The following TAB2 variants were observed in gnomAD, a reference collection of about 807,000 sequenced individuals.
TAB2 encodes the protein TGF-beta activated kinase 1 (MAP3K7) binding protein 2, also known as TGF-beta-activated kinase 1 and MAP3K7-binding protein 2.
Under a neutral mutation model 65.0 loss-of-function variants are expected in TAB2, and 3 were observed. The observed-to-expected ratio is 0.05, with a 90% CI of 0.02 to 0.12. The LOEUF (loss-of-function observed/expected upper bound fraction) is 0.12. Ranked by LOEUF, TAB2 falls within the 10% of genes least tolerant of loss-of-function variation. The pLI is 1.00. For synonymous variants in TAB2, 298 were observed against 285.1 expected (o/e 1.05, Z -0.46); for missense variants, 623 against 840.3 (o/e 0.74, Z 3.20).
chr6:149,349,034 A>C (rs1438291665), intron 1 of TAB2, among the ~76,000 whole-genome samples: 1 of 152,120 alleles, frequency 6.6e-6, no homozygotes, highest in East Asian at 1.9e-4. Context: ...AAATATGTAA[A>C]TACTACAATG....
chr6:149,240,777 A>G (rs1777582684), intron 1 of TAB2, among the ~76,000 whole-genome samples: 1 of 152,226 alleles, frequency 6.6e-6, no homozygotes, highest in South Asian at 2.1e-4. Flanking sequence ...ATTTTAAAGT[A>G]CAATAAAATC....
chr6:149,367,603 C>T (rs1387658945), intron 1 of TAB2, among the ~76,000 whole-genome samples: 3 of 151,772 alleles, frequency 2.0e-5, no homozygotes, highest in African/African-American at 7.3e-5. Flanking sequence ...ATACTGGGGA[C>T]GGGAAGAAGT....
intron 1 of TAB2, among the ~76,000 whole-genome samples, chr6:149,274,719 G>A (rs959092974): frequency 6.6e-6 from 1 of 152,214 alleles, no homozygotes; most frequent in Non-Finnish European, 1.5e-5. Flanking sequence ...GACAAAGTGA[G>A]GACCAAGGCA....
chr6:149,320,754 A>G lies in TAB2; in HGVS notation c.-90+2739A>G, dbSNP rs144989404. On this transcript the variant is annotated intron_variant, in intron 1 of 6. Coordinates refer to ENST00000637181, the MANE Select transcript of TAB2 (RefSeq NM_001292034.3). The stretch of plus-strand genomic sequence containing the variant: ...TCAGAATTTTTGCCTTGTTATAGAT[A>G]TTTTGGGGGAAAGTTCCTGATAATC... 9.3e-3 allele frequency among the ~76,000 whole-genome samples: 1,411 copies of G among 152,200 alleles called. 15 individuals carry two copies. The highest frequency in any genetic ancestry group is 0.027 in the Middle Eastern group (8 of 294).
intron 1 of TAB2, among the ~76,000 whole-genome samples, chr6:149,309,074 T>C (rs1471850738): frequency 3.3e-5 from 5 of 152,182 alleles, no homozygotes; most frequent in African/African-American, 1.2e-4. Context: ...TCTAAGTTTA[T>C]TTTCCCCGTT....
intron 1 of TAB2, among the ~76,000 whole-genome samples, chr6:149,311,825 A>G (rs541155): frequency 0.42 from 55,059 of 132,200 alleles, 18,067 homozygotes; most frequent in East Asian, 0.47. Context: ...ATTGTTGGCC[A>G]GTTGGGAAGA....
At chr6:149,236,385 G>A (rs1249032761) in intron 1 of TAB2, among the ~76,000 whole-genome samples, 1 of 152,228 alleles carries the variant, frequency 6.6e-6, no homozygotes, top group African/African-American at 2.4e-5. Context: ...TTGGGAACAT[G>A]TCAGAATCAT....
At chr6:149,363,180 G>C (rs1331277292) in intron 1 of TAB2, among the ~76,000 whole-genome samples, 1 of 152,072 alleles carries the variant, frequency 6.6e-6, no homozygotes, top group Non-Finnish European at 1.5e-5. Context: ...AAAGTAACTG[G>C]GCAGAGGAGT....
intron 1 of TAB2, among the ~76,000 whole-genome samples, chr6:149,299,829 C>CAT (rs1778939708): frequency 2.1e-5 from 3 of 146,074 alleles, no homozygotes; most frequent in African/African-American, 8.0e-5. Flanking sequence ...GGCAACATAG[C>CAT]ACAGTTCTAC....
intron 1 of TAB2, among the ~76,000 whole-genome samples, chr6:149,299,704 A>G (rs558474744): frequency 3.3e-5 from 5 of 152,348 alleles, no homozygotes; most frequent in Admixed American, 3.3e-4. Context: ...AAATAAAGCT[A>G]GATAAACTAG....
At chr6:149,230,262 A>G (rs959179452) in intron 1 of TAB2, 6 of 152,204 alleles carry the variant, frequency 3.9e-5, no homozygotes, top group Admixed American at 3.3e-4. Flanking sequence ...CACATATTCA[A>G]CATGTTGAGC....
chr6:149,330,508 T>C (rs527440590), intron 1 of TAB2, among the ~76,000 whole-genome samples: 107 of 152,352 alleles, frequency 7.0e-4, no homozygotes, highest in Non-Finnish European at 1.3e-3. Flanking sequence ...GTAGTGACCA[T>C]TAATTTGCAT....
At chr6:149,293,594 C>T (rs1220608970) in intron 1 of TAB2, among the ~76,000 whole-genome samples, 1 of 152,208 alleles carries the variant, frequency 6.6e-6, no homozygotes, top group Non-Finnish European at 1.5e-5. Context: ...GTTCCAGGTA[C>T]ATTCAGCCTG....
intron 1 of TAB2, among the ~76,000 whole-genome samples, chr6:149,261,965 TTTGA>T (rs1342021757): frequency 1.3e-5 from 2 of 152,220 alleles, no homozygotes; most frequent in African/African-American, 4.8e-5. Flanking sequence ...CAGCTGGGAC[TTTGA>T]TTGTCAGAGG....
intron 1 of TAB2, among the ~76,000 whole-genome samples, chr6:149,287,392 A>T (rs1028068185): frequency 1.1e-4 from 17 of 152,144 alleles, no homozygotes; most frequent in Non-Finnish European, 2.5e-4. Context: ...CGAACTAGAA[A>T]TGCTCCCAGA....
intron 5 of TAB2, among the ~76,000 whole-genome samples, chr6:149,398,525 CTG>C (rs1400580492): frequency 6.6e-6 from 1 of 152,114 alleles, no homozygotes; most frequent in African/African-American, 2.4e-5. Flanking sequence ...GTTCTAGAAT[CTG>C]TTCAACTGGA....
chr6:149,269,049 G>C (rs187169674), intron 1 of TAB2, among the ~76,000 whole-genome samples: 3 of 152,278 alleles, frequency 2.0e-5, no homozygotes, highest in Admixed American at 2.0e-4. Flanking sequence ...TAGGTTCCTT[G>C]TGCAATACAT....
intron 1 of TAB2, among the ~76,000 whole-genome samples, chr6:149,367,175 A>G (rs954310257): frequency 2.0e-5 from 3 of 152,160 alleles, no homozygotes; most frequent in Admixed American, 6.6e-5. Flanking sequence ...AATAAAATAT[A>G]TCTCAGGTAT....
At chr6:149,282,103 T>G (rs1778587200) in intron 1 of TAB2, among the ~76,000 whole-genome samples, 1 of 152,078 alleles carries the variant, frequency 6.6e-6, no homozygotes, top group African/African-American at 2.4e-5. Flanking sequence ...GAGATGGTGG[T>G]TGCAGTGAGC....
Sources: gnomAD v4.1 joint callset for allele counts (sites outside exome capture counted in the v4.1 genomes callset) on GRCh38, gnomAD v4.1.1 for gene constraint, MANE v1.5 for transcripts, NCBI Gene and HGNC (gene_info 2026-07-23, HGNC 2026-07-21) for gene names.